RTL4: variants seen among roughly 807,000 people sequenced by gnomAD.
RTL4 encodes retrotransposon Gag like 4.
A neutral mutation model predicts 5.3 loss-of-function variants in RTL4; 4 were observed. The ratio of observed to expected loss-of-function variants is 0.75; its 90% CI spans 0.37 to 1.72. The LOEUF (loss-of-function observed/expected upper bound fraction) is 1.72. Among genes scored for constraint, RTL4 ranks in the 40% most tolerant of loss-of-function variants. RTL4 has a pLI of 0.04. For synonymous variants in RTL4, 98 were observed against 87.3 expected, an observed-to-expected ratio of 1.12 and a Z score of -0.68; for missense variants, 260 against 227.1, an observed-to-expected ratio of 1.14 and a Z score of -0.93.
the RTL4 span, among the ~76,000 whole-genome samples, chrX:112,407,704 A>G: frequency 8.9e-6 from 1 of 112,550 alleles, no homozygotes; most frequent in African/African-American, 3.2e-5. Context: ...TATGAGACAC[A>G]GGGCTGTGAT....
the RTL4 span, among the ~76,000 whole-genome samples, chrX:112,335,743 A>G: frequency 1.8e-5 from 2 of 110,977 alleles, no homozygotes; most frequent in African/African-American, 6.5e-5. Context: ...CAACTCATTA[A>G]TTTTTATGTT....
chrX:112,163,937 G>A, the RTL4 span, among the ~76,000 whole-genome samples: 2 of 111,810 alleles, frequency 1.8e-5, no homozygotes, highest in Non-Finnish European at 3.8e-5. Context: ...TGGGAATGGC[G>A]CAAGTAGTTG....
At chrX:112,363,152 C>CTG in the RTL4 span, among the ~76,000 whole-genome samples, 1 of 110,966 alleles carries the variant, frequency 9.0e-6, no homozygotes, top group Non-Finnish European at 1.9e-5. Flanking sequence ...GTAATGGGAA[C>CTG]ACTTGGAAGA....
chrX:112,406,160 T>C, the RTL4 span, among the ~76,000 whole-genome samples: 7 of 111,715 alleles, frequency 6.3e-5, no homozygotes, highest in African/African-American at 1.3e-4. Flanking sequence ...CCACAATGAC[T>C]GCAACTTCTA....
the RTL4 span, among the ~76,000 whole-genome samples, chrX:112,138,094 A>G: frequency 8.9e-6 from 1 of 112,459 alleles, no homozygotes; most frequent in South Asian, 3.6e-4. Flanking sequence ...TTTTGCAACA[A>G]TATGGATGAA....
At chrX:112,400,351 C>A in the RTL4 span, among the ~76,000 whole-genome samples, 1 of 111,636 alleles carries the variant, frequency 9.0e-6, no homozygotes, top group African/African-American at 3.3e-5. Context: ...TCTGTAATAT[C>A]CGCTCTGACA....
At chrX:112,355,051 CTGT>C in the RTL4 span, among the ~76,000 whole-genome samples, 1 of 111,494 alleles carries the variant, frequency 9.0e-6, no homozygotes, top group Non-Finnish European at 1.9e-5. Context: ...GCTGTTTCTG[CTGT>C]TAAGTCTCTG....
chrX:112,276,293 A>G, the RTL4 span, among the ~76,000 whole-genome samples: 1 of 111,852 alleles, frequency 8.9e-6, no homozygotes, highest in South Asian at 3.8e-4. Flanking sequence ...AGATGGCAGT[A>G]TCTATTTTCT....
chrX:112,351,200 G>A, the RTL4 span, among the ~76,000 whole-genome samples: 1 of 110,506 alleles, frequency 9.0e-6, no homozygotes, highest in Admixed American at 9.7e-5. Context: ...TTAATCCTGA[G>A]TTCTAGTTTG....
the RTL4 span, among the ~76,000 whole-genome samples, chrX:112,426,051 T>G: frequency 1.8e-5 from 2 of 111,666 alleles, no homozygotes; most frequent in Admixed American, 9.5e-5. Flanking sequence ...TCTGGGAGTT[T>G]TATTGTTTTT....
chrX:112,289,730 A>C, the RTL4 span, among the ~76,000 whole-genome samples: 1 of 110,873 alleles, frequency 9.0e-6, no homozygotes, highest in African/African-American at 3.3e-5. Flanking sequence ...TGACTGGGCT[A>C]CTTTACGTAC....
At chrX:112,321,290 C>G in the RTL4 span, among the ~76,000 whole-genome samples, 1 of 111,715 alleles carries the variant, frequency 9.0e-6, no homozygotes, top group Non-Finnish European at 1.9e-5. Context: ...GTAATCCCAG[C>G]ACTTGGGGAG....
chrX:112,404,917 C>T, the RTL4 span, among the ~76,000 whole-genome samples: 2 of 111,871 alleles, frequency 1.8e-5, no homozygotes, highest in African/African-American at 3.3e-5. Context: ...CTTCTTTTTG[C>T]GTCAAAATCA....
At chrX:112,328,320 A>G in the RTL4 span, among the ~76,000 whole-genome samples, 2 of 111,126 alleles carry the variant, frequency 1.8e-5, no homozygotes, top group African/African-American at 6.6e-5. Flanking sequence ...AGATCTGCCA[A>G]GCAAATGGAA....
At chrX:112,133,378 G>A in the RTL4 span, among the ~76,000 whole-genome samples, 6 of 111,714 alleles carry the variant, frequency 5.4e-5, no homozygotes, top group African/African-American at 2.0e-4. Context: ...TACTGTCAGG[G>A]GGAAATGAAA....
the RTL4 span, among the ~76,000 whole-genome samples, chrX:112,318,086 C>T: frequency 8.9e-6 from 1 of 111,822 alleles, no homozygotes; most frequent in African/African-American, 3.3e-5. Flanking sequence ...CAACCAAATT[C>T]TACAAACCAC....
At chrX:112,391,978 G>C in the RTL4 span, among the ~76,000 whole-genome samples, 1 of 111,476 alleles carries the variant, frequency 9.0e-6, no homozygotes, top group Non-Finnish European at 1.9e-5. Context: ...CTGTGTTTGG[G>C]GCTCAAGCCA....
the RTL4 span, among the ~76,000 whole-genome samples, chrX:112,274,242 C>G: frequency 9.0e-6 from 1 of 111,161 alleles, no homozygotes; most frequent in Non-Finnish European, 1.9e-5. Flanking sequence ...TGGAGGAGAG[C>G]TGGTCTGGAA....
At chrX:112,254,549 G>C in the RTL4 span, among the ~76,000 whole-genome samples, 1 of 110,632 alleles carries the variant, frequency 9.0e-6, no homozygotes, top group African/African-American at 3.3e-5. Context: ...GGATGGTCTT[G>C]ATCTCTTGAC....
Sources: allele counts gnomAD v4.1 joint callset (sites outside exome capture counted in the v4.1 genomes callset), GRCh38; gene constraint gnomAD v4.1.1; transcripts MANE v1.5; gene names NCBI Gene and HGNC (gene_info 2026-07-23, HGNC 2026-07-21).